The following LRRC4C variants were observed in gnomAD, a reference collection of about 807,000 sequenced individuals.
LRRC4C encodes leucine-rich repeat-containing protein 4C.
A neutral mutation model predicts 33.6 loss-of-function variants in LRRC4C; 5 were observed. The observed-to-expected ratio is 0.15, with a 90% CI of 0.08 to 0.31. LRRC4C has a LOEUF of 0.31. LRRC4C is among the 10% of genes least tolerant of loss of function. The pLI is 1.00. For missense variants in LRRC4C, 560 were observed against 796.7 expected (o/e 0.70, Z 3.58); for synonymous variants, 329 against 302.0 (o/e 1.09, Z -0.93).
intron 4 of LRRC4C, among the ~76,000 whole-genome samples, chr11:40,250,399 T>A (rs1008222361): frequency 6.6e-6 from 1 of 152,090 alleles, no homozygotes; most frequent in Admixed American, 6.6e-5. Context: ...AATCTGTGCT[T>A]ACCGGGCAGC....
intron 5 of LRRC4C, among the ~76,000 whole-genome samples, chr11:40,180,933 A>G (rs780147661): frequency 3.9e-5 from 6 of 152,180 alleles, no homozygotes; most frequent in Non-Finnish European, 7.4e-5. Context: ...GATAGGCAGC[A>G]TTTTTCTCTG....
At chr11:40,792,991 G>T (rs1322977451) in intron 2 of LRRC4C, among the ~76,000 whole-genome samples, 5 of 151,960 alleles carry the variant, frequency 3.3e-5, no homozygotes, top group Non-Finnish European at 5.9e-5. Context: ...CTGTTGTGGG[G>T]TCGGGGGATG....
At chr11:40,738,366 G>A (rs1473915044) in intron 2 of LRRC4C, among the ~76,000 whole-genome samples, 1 of 151,964 alleles carries the variant, frequency 6.6e-6, no homozygotes, top group Non-Finnish European at 1.5e-5. Flanking sequence ...ATAATCACAT[G>A]AGCCAATTCT....
At chr11:41,366,203 TAGATA>T (rs1465266305) in intron 1 of LRRC4C, among the ~76,000 whole-genome samples, 1 of 2,776 alleles carries the variant, frequency 3.6e-4, no homozygotes, top group East Asian at 3.1e-3. Context: ...GATAGACAGA[TAGATA>T]GATAGATAGA....
intron 1 of LRRC4C, among the ~76,000 whole-genome samples, chr11:40,939,080 T>C (rs1188947545): frequency 6.6e-6 from 1 of 152,216 alleles, no homozygotes; most frequent in Non-Finnish European, 1.5e-5. Flanking sequence ...TATTCTGTGA[T>C]GATACATATG....
intron 3 of LRRC4C, among the ~76,000 whole-genome samples, chr11:40,598,978 T>C (rs1169399686): frequency 6.6e-6 from 1 of 152,208 alleles, no homozygotes; most frequent in Non-Finnish European, 1.5e-5. Flanking sequence ...CCGCTGTCTA[T>C]ATTTGTGACC....
intron 4 of LRRC4C, among the ~76,000 whole-genome samples, chr11:40,282,284 G>A (rs1943530936): frequency 6.6e-6 from 1 of 152,162 alleles, no homozygotes; most frequent in South Asian, 2.1e-4. Context: ...GGTGGAGGTT[G>A]CAGTAAGCCG....
At chr11:40,546,833 T>G (rs937280107) in intron 3 of LRRC4C, among the ~76,000 whole-genome samples, 5 of 152,110 alleles carry the variant, frequency 3.3e-5, no homozygotes, top group Admixed American at 3.3e-4. Flanking sequence ...AACAGAGATT[T>G]TGAAAGTCAG....
intron 1 of LRRC4C, among the ~76,000 whole-genome samples, chr11:41,434,086 AGT>A (rs1955338822): frequency 6.6e-6 from 1 of 152,118 alleles, no homozygotes; most frequent in African/African-American, 2.4e-5. Flanking sequence ...AGTTAGACCT[AGT>A]TACCCAAGTC....
intron 2 of LRRC4C, among the ~76,000 whole-genome samples, chr11:40,703,702 T>C (rs1210330902): frequency 6.6e-6 from 1 of 152,168 alleles, no homozygotes; most frequent in East Asian, 1.9e-4. Context: ...CAAAAGCAAG[T>C]CCTACTAGTC....
At position 40,206,239 on chromosome 11, in the gene LRRC4C, C is replaced by CT. The variant is rs1488052704; in HGVS notation, c.-96+35279dup. Among the ~76,000 whole-genome samples the CT allele has an allele frequency of 4.0e-5, 6 of 151,802 alleles. No homozygotes were observed. The East Asian group carries it at 1.2e-3, about 29-fold the overall frequency. On this transcript the variant is annotated intron_variant, in intron 5 of 6. Transcript: ENST00000528697. ...GGGATGGATATTTATTTCCATTTTT[C>CT]TTTTTTTTCTTTTGAGATGGAGTCT...
At chr11:40,993,284 T>C (rs979175395) in intron 1 of LRRC4C, among the ~76,000 whole-genome samples, 2 of 152,160 alleles carry the variant, frequency 1.3e-5, no homozygotes, top group African/African-American at 2.4e-5. Context: ...ATTTTTTCTG[T>C]TTTTAAGTTT....
intron 4 of LRRC4C, among the ~76,000 whole-genome samples, chr11:40,312,678 T>C (rs1264862113): frequency 7.9e-5 from 12 of 152,196 alleles, no homozygotes. Context: ...GTTCCTGTTT[T>C]AGTCTTATTT....
intron 3 of LRRC4C, among the ~76,000 whole-genome samples, chr11:40,326,442 A>G (rs1946107957): frequency 1.3e-5 from 2 of 151,846 alleles, no homozygotes; most frequent in Admixed American, 6.6e-5. Context: ...GGTGCCTGTA[A>G]TCCCAGCTAC....
At chr11:40,258,424 A>G (rs1406054749) in intron 4 of LRRC4C, among the ~76,000 whole-genome samples, 1 of 152,134 alleles carries the variant, frequency 6.6e-6, no homozygotes, top group African/African-American at 2.4e-5. Flanking sequence ...AATTCTATGT[A>G]TATTGCACTA....
intron 2 of LRRC4C, among the ~76,000 whole-genome samples, chr11:40,654,121 G>T (rs1025594144): frequency 6.6e-6 from 1 of 152,208 alleles, no homozygotes; most frequent in African/African-American, 2.4e-5. Flanking sequence ...GAGGGGCATA[G>T]CCCTCATAGA....
At chr11:40,200,634 C>T (rs1384592470) in intron 5 of LRRC4C, among the ~76,000 whole-genome samples, 4 of 151,458 alleles carry the variant, frequency 2.6e-5, no homozygotes, top group Non-Finnish European at 5.9e-5. Context: ...AATAAACATG[C>T]CTTTCTCAGT....
rs371423553 is a variant in LRRC4C at position 41,304,113 on chromosome 11, C to T, written c.-496+155318G>A. Among the ~76,000 whole-genome samples, 174 of 63,574 alleles carry T rather than the reference C, an allele frequency of 2.7e-3. 2 individuals are homozygous for T. The highest frequency in any genetic ancestry group is 6.3e-3 in the African/African-American group (167 of 26,436). 41.7% of individuals were successfully genotyped at this position (63,574 alleles called of 152,430 possible). On this transcript the variant is annotated intron_variant, in intron 1 of 6. Coordinates refer to ENST00000528697, the MANE Select transcript of LRRC4C (RefSeq NM_001258419.2). ...GTGAGGGGCGCCTCTGCCCGGCCGC[C>T]CCTACTGGGAAGTGAGGAGCCCCTC... is the stretch of plus-strand genomic sequence containing the variant.
At chr11:40,925,430 T>C (rs1347143998) in intron 2 of LRRC4C, among the ~76,000 whole-genome samples, 1 of 152,202 alleles carries the variant, frequency 6.6e-6, no homozygotes, top group Non-Finnish European at 1.5e-5. Context: ...GAGTATCTGC[T>C]ACCTCAGCCT....
Sources: allele counts gnomAD v4.1 joint callset (sites outside exome capture counted in the v4.1 genomes callset), GRCh38; gene constraint gnomAD v4.1.1; transcripts MANE v1.5; gene names NCBI Gene and HGNC (gene_info 2026-07-23, HGNC 2026-07-21).